Variants in CELF4 observed in about 807,000 individuals in gnomAD.
CELF4 encodes the protein CUGBP Elav-like family member 4, also known as CUG-BP- and ETR-3-like factor 4.
CELF4 carries 18 observed loss-of-function variants against 59.9 expected under a neutral mutation model. That is an observed-to-expected ratio of 0.30 (90% confidence interval 0.21 to 0.45). The LOEUF is 0.45. Ranked by LOEUF, CELF4 falls within the 20% of genes least tolerant of loss-of-function variation. The probability of loss-of-function intolerance (pLI) is 1.00; values close to 1 mark genes in which losing one functional copy is unlikely to be tolerated. For synonymous variants in CELF4, 261 were observed against 267.1 expected, an observed-to-expected ratio of 0.98 and a Z score of 0.22; for missense variants, 456 against 689.0, an observed-to-expected ratio of 0.66 and a Z score of 3.79.
intron 2 of CELF4, among the ~76,000 whole-genome samples, chr18:37,405,967 G>A (rs763575110): frequency 6.6e-6 from 1 of 151,988 alleles, no homozygotes. Context: ...ACACCCCCAC[G>A]CTCCCATTTC....
intron 1 of CELF4, among the ~76,000 whole-genome samples, chr18:37,525,152 A>T (rs1603643396): frequency 6.6e-6 from 1 of 151,650 alleles, no homozygotes; most frequent in East Asian, 1.9e-4. Context: ...CCGGTTCCCT[A>T]TCCCCTGGAC....
At chr18:37,307,895 G>A (rs758277220) in intron 3 of CELF4, among the ~76,000 whole-genome samples, 2 of 152,204 alleles carry the variant, frequency 1.3e-5, no homozygotes, top group African/African-American at 2.4e-5. Context: ...GGGGTGTACC[G>A]TGACGAAAGC....
intron 1 of CELF4, among the ~76,000 whole-genome samples, chr18:37,532,793 G>T (rs1159661294): frequency 1.3e-5 from 2 of 152,140 alleles, no homozygotes; most frequent in Non-Finnish European, 2.9e-5. Flanking sequence ...TAAGGCAGTT[G>T]CAAATTTTAC....
At position 37,351,618 on chromosome 18, in the gene CELF4, T is replaced by C. The variant is rs1441334954; in HGVS notation, c.370-29737A>G. 5.3e-5 allele frequency among the ~76,000 whole-genome samples: 8 copies of C among 150,540 alleles called. No homozygotes were observed. In the East Asian group the frequency reaches 9.7e-4, roughly 18 times the overall value. On this transcript the variant is annotated intron_variant, in intron 2 of 12. Coordinates refer to ENST00000420428, the MANE Select transcript of CELF4 (RefSeq NM_020180.4). Reference sequence around the variant, plus strand: ...TTTCTTTTTCTTCTTCTTCTTTTTTTTTTTTTTTTTGAGACAGGGTCTCAC... The same window carrying C: ...TTTCTTTTTCTTCTTCTTCTTTTTTCTTTTTTTTTTGAGACAGGGTCTCAC...
At chr18:37,337,376 C>A (rs1379455456) in intron 2 of CELF4, among the ~76,000 whole-genome samples, 1 of 152,178 alleles carries the variant, frequency 6.6e-6, no homozygotes, top group African/African-American at 2.4e-5. Flanking sequence ...CAATACTGCC[C>A]ACCTTTAGCA....
intron 2 of CELF4, chr18:37,473,296 G>C (rs1249787106): frequency 6.6e-6 from 1 of 152,208 alleles, no homozygotes; most frequent in African/African-American, 2.4e-5. Context: ...GGCCCTGAAA[G>C]CCGGCCGACC....
chr18:37,464,191 G>T (rs191744283), intron 2 of CELF4, among the ~76,000 whole-genome samples: 1 of 152,196 alleles, frequency 6.6e-6, no homozygotes, highest in Non-Finnish European at 1.5e-5. Flanking sequence ...CACGGGGCTC[G>T]GGCTGGTGAG....
intron 2 of CELF4, among the ~76,000 whole-genome samples, chr18:37,434,659 T>G (rs2154600908): frequency 6.6e-6 from 1 of 152,202 alleles, no homozygotes; most frequent in Admixed American, 6.5e-5. Context: ...CCTTTCGGGT[T>G]GCATGGGGAT....
At chr18:37,486,993 A>G (rs1310532005) in intron 1 of CELF4, among the ~76,000 whole-genome samples, 2 of 152,212 alleles carry the variant, frequency 1.3e-5, no homozygotes, top group African/African-American at 4.8e-5. Context: ...GGTCATTGCC[A>G]TGGCCATTTA....
intron 2 of CELF4, among the ~76,000 whole-genome samples, chr18:37,470,883 T>A (rs1187727818): frequency 0.098 from 7,801 of 79,680 alleles, 341 homozygotes; most frequent in Non-Finnish European, 0.11. Context: ...TGTGTGTGTG[T>A]GTGTGACAGA....
chr18:37,382,526 T>G (rs768526248), intron 2 of CELF4, among the ~76,000 whole-genome samples: 5 of 152,346 alleles, frequency 3.3e-5, no homozygotes, highest in Non-Finnish European at 7.3e-5. Context: ...GCTGGCCCAC[T>G]GCTTCCAGAG....
intron 2 of CELF4, among the ~76,000 whole-genome samples, chr18:37,392,251 A>G (rs61583955): frequency 0.35 from 53,065 of 152,110 alleles, 9,770 homozygotes; most frequent in Non-Finnish European, 0.41. Flanking sequence ...GAGAAGACCT[A>G]GTTGCACCCC....
chr18:37,253,289 G>C lies in CELF4; in HGVS notation c.*44+478C>G, dbSNP rs1229209486. On this transcript the variant is annotated intron_variant, in intron 12 of 12. Transcript: ENST00000420428. This position sits in a 1 kb window ranked among gnomAD's most constrained non-coding sequence, Gnocchi z 4.5. ...CTTCACTGAGCTATGGGGAAAGACA[G>C]GGGTGCAGGGGTCAAGTGTCTAAAG... Among the ~76,000 whole-genome samples the C allele has an allele frequency of 6.6e-6, 1 of 152,212 alleles. No individual in the cohort carries two copies. Among genetic ancestry groups the C allele is most frequent in the Non-Finnish European group, 1.5e-5 (1 of 68,034 alleles).
chr18:37,466,511 G>A (rs1239679651), intron 2 of CELF4, among the ~76,000 whole-genome samples: 1 of 152,116 alleles, frequency 6.6e-6, no homozygotes, highest in Non-Finnish European at 1.5e-5. Flanking sequence ...AGCAGAAAGG[G>A]CAGACAACTT....
In CELF4 at chr18:37,494,704, A is replaced by G. The variant is rs115733518; in HGVS notation, c.287-9097T>C. ...CCCTGAGATGTGGCCACAGTGGGAG[A>G]GCAGAGACTCTGGTATCCTGATGGC... On this transcript the variant is annotated intron_variant, in intron 1 of 12. Coordinates refer to ENST00000420428, the MANE Select transcript of CELF4 (RefSeq NM_020180.4). 6.0e-3 allele frequency among the ~76,000 whole-genome samples: 917 copies of G among 152,122 alleles called. 13 individuals are homozygous for G. Among genetic ancestry groups the G allele is most frequent in the African/African-American group, 0.021 (872 of 41,506 alleles).
chr18:37,406,115 G>GTGTT (rs1030594984), intron 2 of CELF4, among the ~76,000 whole-genome samples: 12 of 152,166 alleles, frequency 7.9e-5, no homozygotes, highest in African/African-American at 2.7e-4. Context: ...GTTTCATAGG[G>GTGTT]TGTTTGGTGC....
intron 2 of CELF4, among the ~76,000 whole-genome samples, chr18:37,407,886 G>A (rs2099400816): frequency 6.6e-6 from 1 of 152,166 alleles, no homozygotes; most frequent in South Asian, 2.1e-4. Flanking sequence ...AATTTTTGGG[G>A]GGCATATTTC....
At chr18:37,544,636 T>C (rs1470173210) in intron 1 of CELF4, among the ~76,000 whole-genome samples, 1 of 152,224 alleles carries the variant, frequency 6.6e-6, no homozygotes, top group African/African-American at 2.4e-5. Flanking sequence ...TGTGCATGTG[T>C]AGCTACGTGA....
At chr18:37,330,188 C>T (rs2097488876) in intron 2 of CELF4, among the ~76,000 whole-genome samples, 2 of 152,290 alleles carry the variant, frequency 1.3e-5, no homozygotes, top group South Asian at 4.2e-4. Context: ...AATTTGTCTT[C>T]CCGGCGCTTA....
Sources: gnomAD v4.1 joint callset for allele counts (sites outside exome capture counted in the v4.1 genomes callset) on GRCh38, gnomAD v4.1.1 for gene constraint, Gnocchi (gnomAD v3.1) non-coding constraint, MANE v1.5 for transcripts, NCBI Gene and HGNC (gene_info 2026-07-23, HGNC 2026-07-21) for gene names.